The following NDUFA5 variants were observed in gnomAD, a reference collection of about 807,000 sequenced individuals.
NDUFA5 encodes the protein NADH:ubiquinone oxidoreductase subunit A5, also known as NADH dehydrogenase [ubiquinone] 1 alpha subcomplex subunit 5.
NDUFA5 carries 11 observed loss-of-function variants against 19.8 expected under a neutral mutation model. The observed-to-expected ratio is 0.56, with a 90% CI of 0.35 to 0.92. NDUFA5 has a LOEUF of 0.92. Ranked by LOEUF, NDUFA5 falls within the 40% of genes least tolerant of loss-of-function variation. NDUFA5 has a pLI of 0.01. For missense variants in NDUFA5, 109 were observed against 134.2 expected (o/e 0.81, Z 0.93); for synonymous variants, 47 against 46.8 (o/e 1.00, Z -0.01).
chr7:123,584,395 G>A, the NDUFA5 span, among the ~76,000 whole-genome samples: 1 of 151,708 alleles, frequency 6.6e-6, no homozygotes, highest in Non-Finnish European at 1.5e-5. Context: ...GAGGGAGGCG[G>A]CTAGGCATCA....
At chr7:123,577,200 A>G in the NDUFA5 span, among the ~76,000 whole-genome samples, 14 of 152,288 alleles carry the variant, frequency 9.2e-5, 1 homozygote, top group East Asian at 2.7e-3. Context: ...TATCATTGAT[A>G]TCTTCCATTG....
rs570201355 is a variant in NDUFA5, at chr7:123,549,417, GT to G, written c.183+1052del. Among the ~76,000 whole-genome samples, 39 of 152,150 alleles carry G rather than the reference GT, an allele frequency of 2.6e-4. No homozygotes were observed. The South Asian group carries it at 8.1e-3, about 32-fold the overall frequency. ...AAGTAAAGGAAAATACAAGCATACA[GT>G]TTTTTTTATTTTTAAGATAGGAACA... On this transcript the variant is annotated intron_variant, in intron 3 of 4. Coordinates refer to ENST00000355749, the MANE Select transcript of NDUFA5 (RefSeq NM_005000.5).
chr7:123,547,874 G>A (rs1798191743), intron 3 of NDUFA5, among the ~76,000 whole-genome samples: 1 of 152,016 alleles, frequency 6.6e-6, no homozygotes. Flanking sequence ...CTATATACTT[G>A]GGACTATGTT....
At chr7:123,546,581 A>T (rs1798141151) in intron 3 of NDUFA5, 3 of 956,408 alleles carry the variant, frequency 3.1e-6, no homozygotes, top group Non-Finnish European at 4.2e-6. Context: ...AAATATACCC[A>T]CATATGTAAA....
chr7:123,575,964 G>A, the NDUFA5 span, among the ~76,000 whole-genome samples: 1 of 150,886 alleles, frequency 6.6e-6, no homozygotes, highest in Admixed American at 6.6e-5. Flanking sequence ...CTTGATTTAT[G>A]ACTTTCAATT....
At chr7:123,584,046 T>A in the NDUFA5 span, among the ~76,000 whole-genome samples, 36 of 152,096 alleles carry the variant, frequency 2.4e-4, no homozygotes, top group Admixed American at 2.4e-3. Context: ...TTTTTATATG[T>A]GCATGTACTG....
chr7:123,547,995 G>A (rs562914426), intron 3 of NDUFA5, among the ~76,000 whole-genome samples: 8 of 152,100 alleles, frequency 5.3e-5, no homozygotes, highest in African/African-American at 1.9e-4. Flanking sequence ...CTAGCAATAT[G>A]CCAAGTCACT....
At chr7:123,580,288 C>T in the NDUFA5 span, among the ~76,000 whole-genome samples, 3 of 151,970 alleles carry the variant, frequency 2.0e-5, no homozygotes, top group African/African-American at 4.8e-5. Flanking sequence ...CATGGCAGGC[C>T]GTTCTCTGTT....
the NDUFA5 span, among the ~76,000 whole-genome samples, chr7:123,580,592 A>G: frequency 2.6e-5 from 4 of 152,038 alleles, no homozygotes; most frequent in African/African-American, 7.2e-5. Flanking sequence ...AAAACCCAGA[A>G]CTGCATCATA....
intron 2 of NDUFA5, chr7:123,556,780 C>T (rs1227886593): frequency 2.1e-6 from 1 of 477,274 alleles, no homozygotes; most frequent in Admixed American, 2.5e-5. Flanking sequence ...TATGAGCTGA[C>T]CATTGGATTT....
the NDUFA5 span, among the ~76,000 whole-genome samples, chr7:123,573,520 T>C: frequency 6.6e-6 from 1 of 152,136 alleles, no homozygotes; most frequent in Admixed American, 6.5e-5. Flanking sequence ...GCTGGTGTGC[T>C]GATCTGTGAG....
At chr7:123,546,811 T>G (rs748481959) in intron 3 of NDUFA5, 52 of 679,226 alleles carry the variant, frequency 7.7e-5, no homozygotes, top group South Asian at 7.6e-4. Flanking sequence ...ATTTGCATTA[T>G]GATAGGCTGA....
At chr7:123,581,880 T>C in the NDUFA5 span, among the ~76,000 whole-genome samples, 1 of 152,030 alleles carries the variant, frequency 6.6e-6, no homozygotes, top group Non-Finnish European at 1.5e-5. Flanking sequence ...AAAAGACTTC[T>C]GCAAACCATT....
chr7:123,567,664 G>T, the NDUFA5 span, among the ~76,000 whole-genome samples: 2 of 152,132 alleles, frequency 1.3e-5, no homozygotes, highest in Admixed American at 1.3e-4. Flanking sequence ...CAGGAAGAAA[G>T]CATCTCAATT....
chr7:123,583,104 T>C, the NDUFA5 span, among the ~76,000 whole-genome samples: 1 of 151,844 alleles, frequency 6.6e-6, no homozygotes, highest in East Asian at 1.9e-4. Context: ...AATGATAACA[T>C]TGTAGACCTA....
At chr7:123,562,996 T>C in the NDUFA5 span, among the ~76,000 whole-genome samples, 7 of 152,166 alleles carry the variant, frequency 4.6e-5, no homozygotes, top group South Asian at 1.5e-3. Context: ...AGACAGGGTT[T>C]CACCATGTTG....
At chr7:123,544,886 T>A in intron 4 of NDUFA5, among the ~76,000 whole-genome samples, 1 of 151,750 alleles carries the variant, frequency 6.6e-6, no homozygotes, top group South Asian at 2.1e-4. Context: ...AACCTATCTA[T>A]TTCTATAACC....
chr7:123,539,092 A>C lies in NDUFA5; in HGVS notation c.*3027T>G, dbSNP rs1797843232. 1 of 152,220 alleles carries C rather than the reference A, an allele frequency of 6.6e-6. No individual in the cohort carries two copies. 9.4% of individuals were successfully genotyped at this position (152,220 alleles called of 1,614,324 possible). On this transcript the variant is annotated 3_prime_UTR_variant, in exon 5 of 5. Coordinates refer to ENST00000355749, the MANE Select transcript of NDUFA5 (RefSeq NM_005000.5). ...ACAATAAAACTTGAGGCCTGATTGC[A>C]CATGATGACTACTACTGCTGGCATC...
the NDUFA5 span, among the ~76,000 whole-genome samples, chr7:123,584,345 A>G: frequency 3.3e-5 from 5 of 151,770 alleles, no homozygotes; most frequent in East Asian, 7.8e-4. Context: ...AGAAAAAGAA[A>G]GAAGTTTTAA....
Sources: gnomAD v4.1 joint callset for allele counts (sites outside exome capture counted in the v4.1 genomes callset) on GRCh38, gnomAD v4.1.1 for gene constraint, MANE v1.5 for transcripts, NCBI Gene and HGNC (gene_info 2026-07-23, HGNC 2026-07-21) for gene names.